PKHD1: variants seen among roughly 807,000 people sequenced by gnomAD.
PKHD1 encodes PKHD1 ciliary IPT domain containing fibrocystin/polyductin, also known as fibrocystin.
PKHD1 carries 291 observed loss-of-function variants against 412.0 expected under a neutral mutation model. The observed-to-expected ratio is 0.71, with a 90% CI of 0.64 to 0.78. The LOEUF is 0.78. PKHD1 is among the 30% of genes least tolerant of loss of function. The pLI, the probability that PKHD1 is intolerant of heterozygous loss-of-function variation, is 0.00. For missense variants in PKHD1, 4,825 were observed against 4,950.7 expected, an observed-to-expected ratio of 0.97 and a Z score of 0.76; for synonymous variants, 1,777 against 1,821.5, an observed-to-expected ratio of 0.98 and a Z score of 0.62.
chr6:51,781,709 A>G (rs1792041172), intron 53 of PKHD1, among the ~76,000 whole-genome samples: 1 of 152,110 alleles, frequency 6.6e-6, no homozygotes, highest in Non-Finnish European at 1.5e-5. Context: ...TATTAATAAT[A>G]GTAGTTAAAA....
At chr6:52,069,309 A>T (rs1810229471) in intron 11 of PKHD1, 148 bp downstream of exon 11, 1 of 742,042 alleles carries the variant, frequency 1.3e-6, no homozygotes, top group Non-Finnish European at 2.5e-6. Context: ...AAGCAATTTA[A>T]TCTCAACCAA....
intron 60 of PKHD1, among the ~76,000 whole-genome samples, chr6:51,708,535 T>C (rs1291297760): frequency 6.6e-6 from 1 of 152,156 alleles, no homozygotes; most frequent in Non-Finnish European, 1.5e-5. Flanking sequence ...TTAACATGGG[T>C]TATTATATAT....
intron 55 of PKHD1, among the ~76,000 whole-genome samples, chr6:51,764,799 C>T (rs1788699304): frequency 2.0e-5 from 3 of 152,036 alleles, no homozygotes; most frequent in South Asian, 2.1e-4. Flanking sequence ...GGTATTCTTT[C>T]AGACCCTCAT....
intron 62 of PKHD1, 117 bp from the exon 63 acceptor site, chr6:51,648,235 TAAAG>T: frequency 1.5e-6 from 1 of 665,326 alleles, no homozygotes; most frequent in African/African-American, 1.8e-5. Context: ...TCAGTAGAAA[TAAAG>T]GAAAGAAAGT....
intron 34 of PKHD1, among the ~76,000 whole-genome samples, chr6:52,015,277 T>G (rs1800382495): frequency 6.6e-6 from 1 of 152,226 alleles, no homozygotes; most frequent in Non-Finnish European, 1.5e-5. Context: ...TACCTGAAAC[T>G]TCAAAGAACA....
chr6:52,059,891 G>T, intron 15 of PKHD1, 37 bp downstream of exon 15: 1 of 989,560 alleles, frequency 1.0e-6, no homozygotes, highest in Non-Finnish European at 1.6e-6. Context: ...TATGGGACTG[G>T]CAACAGAGAA....
intron 33 of PKHD1, among the ~76,000 whole-genome samples, chr6:52,019,877 G>C (rs1243235900): frequency 6.6e-6 from 1 of 152,214 alleles, no homozygotes; most frequent in Non-Finnish European, 1.5e-5. Flanking sequence ...AGTTTGTGGG[G>C]ATGGTAAAAA....
intron 36 of PKHD1, among the ~76,000 whole-genome samples, chr6:51,937,257 G>T (rs1185439415): frequency 1.3e-5 from 2 of 152,084 alleles, no homozygotes; most frequent in Non-Finnish European, 2.9e-5. Context: ...AACCTTTCCA[G>T]ACCAAACCAA....
At chr6:51,858,852 G>A (rs1461978335) in intron 48 of PKHD1, among the ~76,000 whole-genome samples, 3 of 152,110 alleles carry the variant, frequency 2.0e-5, no homozygotes, top group African/African-American at 7.2e-5. Flanking sequence ...AATCACATGA[G>A]GGTCAAGAGA....
chr6:51,917,998 T>A (rs1583358918), intron 37 of PKHD1, among the ~76,000 whole-genome samples: 1 of 151,652 alleles, frequency 6.6e-6, no homozygotes, highest in South Asian at 2.1e-4. Flanking sequence ...GGAAAATGAG[T>A]CAAATCCTAA....
chr6:51,992,850 C>A (rs1282208355), intron 35 of PKHD1, among the ~76,000 whole-genome samples: 1 of 152,200 alleles, frequency 6.6e-6, no homozygotes, highest in East Asian at 1.9e-4. Context: ...TGCTCCATTC[C>A]AGCTCTGGGT....
rs144868499 is a variant in PKHD1, at chr6:51,751,886, G to A, written c.8950+1315C>T. Among the ~76,000 whole-genome samples, 215 of 152,316 alleles carry A rather than the reference G, an allele frequency of 1.4e-3. 2 individuals carry two copies. The highest frequency in any genetic ancestry group is 4.9e-3 in the African/African-American group (202 of 41,582). On this transcript the variant is annotated intron_variant, in intron 57 of 66. Coordinates refer to ENST00000371117, the MANE Select transcript of PKHD1 (RefSeq NM_138694.4). ...TAAAATTTTCACTGTATGAAAACCA[G>A]CACAGTTTCTGGTCCACAAGAAACA...
chr6:51,984,570 T>A (rs1795980897), intron 35 of PKHD1, among the ~76,000 whole-genome samples: 1 of 152,242 alleles, frequency 6.6e-6, no homozygotes. Flanking sequence ...TGGTCTGTGT[T>A]CAGTGATCCT....
intron 60 of PKHD1, among the ~76,000 whole-genome samples, chr6:51,705,335 C>T (rs559608382): frequency 6.6e-6 from 1 of 152,164 alleles, no homozygotes; most frequent in East Asian, 1.9e-4. Flanking sequence ...CTAATGTTTG[C>T]CAGTGCAATT....
chr6:51,884,106 T>C (rs1016399892), intron 45 of PKHD1, among the ~76,000 whole-genome samples: 1 of 152,158 alleles, frequency 6.6e-6, no homozygotes, highest in East Asian at 1.9e-4. Context: ...GGAGACAGAG[T>C]TGTGCTTATG....
chr6:51,776,173 C>G (rs1460419545), intron 53 of PKHD1, among the ~76,000 whole-genome samples: 2 of 151,930 alleles, frequency 1.3e-5, no homozygotes, highest in Admixed American at 1.3e-4. Flanking sequence ...CTTTCCTGAC[C>G]TACTAATATT....
chr6:51,748,873 G>A (rs532112408), intron 57 of PKHD1, among the ~76,000 whole-genome samples: 4 of 152,312 alleles, frequency 2.6e-5, no homozygotes, highest in African/African-American at 7.2e-5. Flanking sequence ...TGCATGTGCA[G>A]TCTGAAGAGT....
chr6:52,050,158 G>C lies in PKHD1; in HGVS notation c.2278C>G (p.Arg760Gly). 6.2e-7 allele frequency: 1 copy of C among 1,613,724 alleles called. No individual in the cohort carries two copies. The highest frequency in any genetic ancestry group is 1.1e-5 in the South Asian group (1 of 91,062). Residue 760 changes from arginine (R) to glycine (G), a missense_variant and splice_region_variant, in exon 22 of 67, where the codon CGC (arginine) becomes GGC (glycine). Transcript: ENST00000371117. ...AGGTGTAAAAAAGCCACTCCTTACC[G>C]TGCAGTGATGAGCGGGAGCTCCGTG... ...CGTELPLITA[R>G]SVPTEGTEEG...
chr6:51,734,475 A>C (rs1783597789), intron 60 of PKHD1, among the ~76,000 whole-genome samples: 1 of 152,196 alleles, frequency 6.6e-6, no homozygotes, highest in Non-Finnish European at 1.5e-5. Context: ...AGCCTATATT[A>C]TGTTCCATAA....
Sources: allele counts gnomAD v4.1 joint callset (sites outside exome capture counted in the v4.1 genomes callset), GRCh38; gene constraint gnomAD v4.1.1; transcripts MANE v1.5; gene names NCBI Gene and HGNC (gene_info 2026-07-23, HGNC 2026-07-21).